The following CUX1 variants were observed in gnomAD, a reference collection of about 807,000 sequenced individuals.
CUX1 encodes the protein protein CASP.
Under a neutral mutation model 158.8 loss-of-function variants are expected in CUX1, and 31 were observed. The observed-to-expected ratio is 0.20, with a 90% CI of 0.15 to 0.26. The LOEUF (loss-of-function observed/expected upper bound fraction) is 0.26, where lower values mean the gene tolerates loss of function less well. Among genes scored for constraint, CUX1 ranks in the 10% least tolerant of loss-of-function variants. The probability of loss-of-function intolerance (pLI) is 1.00; values close to 1 mark genes in which losing one functional copy is unlikely to be tolerated. For synonymous variants in CUX1, 879 were observed against 862.1 expected (o/e 1.02, Z -0.34); for missense variants, 1,589 against 2,014.6 (o/e 0.79, Z 4.04).
rs1325188802 is a variant in CUX1, at chr7:102,252,704, C to T, written c.*3662C>T. The T allele has an allele frequency of 5.1e-6, 5 of 985,326 alleles. No individual in the cohort carries two copies. The highest frequency in any genetic ancestry group is 6.0e-6 in the Non-Finnish European group (5 of 829,948). The allele number at this position is 985,326 out of a possible 1,614,324, so 61.0% of individuals were successfully genotyped here. The stretch of plus-strand genomic sequence containing the variant: ...CCTAGACCTGTGCCCAACTCACTTC[C>T]ACCCCAGAGGAGTCTTCTGTCCTCC... On this transcript the variant is annotated 3_prime_UTR_variant, in exon 24 of 24. Coordinates refer to ENST00000292535, the MANE Select transcript of CUX1 (RefSeq NM_181552.4).
chr7:102,044,475 C>A (rs1341860032), intron 3 of CUX1, among the ~76,000 whole-genome samples: 1 of 152,150 alleles, frequency 6.6e-6, no homozygotes, highest in East Asian at 1.9e-4. Flanking sequence ...CAGGTGTGAG[C>A]CACTGCGCCC....
At chr7:101,987,106 C>A (rs932375685) in intron 2 of CUX1, among the ~76,000 whole-genome samples, 12 of 152,184 alleles carry the variant, frequency 7.9e-5, no homozygotes, top group African/African-American at 2.9e-4. Context: ...GCTCTGACCT[C>A]GTCCGTCTTG....
chr7:102,056,947 G>A (rs1371124134), intron 3 of CUX1, among the ~76,000 whole-genome samples: 1 of 150,970 alleles, frequency 6.6e-6, no homozygotes, highest in Non-Finnish European at 1.5e-5. Context: ...TGTCACCCAG[G>A]CTGGAGTCTA....
chr7:102,097,246 G>C, intron 4 of CUX1, 118 bp from the exon 5 acceptor site: 1 of 1,230,578 alleles, frequency 8.1e-7, no homozygotes, highest in Non-Finnish European at 1.1e-6. Context: ...CATGACTGTG[G>C]CCTCTGGGGA....
In CUX1 at chr7:102,253,523, A is replaced by C; in HGVS notation, c.*4481A>C. 1.0e-6 allele frequency: 1 copy of C among 985,482 alleles called. No homozygotes were observed. The highest frequency in any genetic ancestry group is 1.2e-6 in the Non-Finnish European group (1 of 829,946). The allele number at this position is 985,482 out of a possible 1,614,324, so 61.0% of individuals were successfully genotyped here. ...CATGTCCTTTGATGCAAGGGTGATC[A>C]ATGAACTCTGTTGACATTCTATGCA... On this transcript the variant is annotated 3_prime_UTR_variant, in exon 24 of 24. Coordinates refer to ENST00000292535, the MANE Select transcript of CUX1 (RefSeq NM_181552.4).
At position 102,000,712 on chromosome 7, in the gene CUX1, G is replaced by A. The variant is rs577565098; in HGVS notation, c.142-27386G>A. The stretch of plus-strand genomic sequence containing the variant: ...AGGGGTTCATTTGGTTGGGTTTTAT[G>A]TGCAGGAATGCTGGTGGGTTGGGTG... On this transcript the variant is annotated intron_variant, in intron 2 of 23. Coordinates refer to ENST00000292535, the MANE Select transcript of CUX1 (RefSeq NM_181552.4). 2.0e-5 allele frequency among the ~76,000 whole-genome samples: 3 copies of A among 152,306 alleles called. No individual in the cohort carries two copies. In the South Asian group the frequency reaches 6.2e-4, roughly 32 times the overall value.
intron 14 of CUX1, among the ~76,000 whole-genome samples, chr7:102,272,003 C>A (rs1213284419): frequency 2.6e-5 from 4 of 152,166 alleles, no homozygotes; most frequent in Non-Finnish European, 4.4e-5. Context: ...GCCTGGGTGA[C>A]TGAGTGAGAC....
chr7:102,008,803 A>T (rs762916070), intron 2 of CUX1, among the ~76,000 whole-genome samples: 2 of 152,178 alleles, frequency 1.3e-5, no homozygotes, highest in Non-Finnish European at 2.9e-5. Flanking sequence ...AGGCGAGACC[A>T]CAGCACAGTC....
intron 20 of CUX1, among the ~76,000 whole-genome samples, chr7:102,216,701 ACACGCACT>A (rs1797216319): frequency 9.2e-6 from 1 of 108,522 alleles, no homozygotes; most frequent in Non-Finnish European, 1.9e-5. Context: ...ACACACTCCC[ACACGCACT>A]CTCCACACAC....
chr7:102,209,846 T>C (rs1409123224), intron 20 of CUX1, among the ~76,000 whole-genome samples: 1 of 152,152 alleles, frequency 6.6e-6, no homozygotes, highest in Non-Finnish European at 1.5e-5. Flanking sequence ...AGTGTGGCCT[T>C]CTTATCATTT....
intron 11 of CUX1, among the ~76,000 whole-genome samples, chr7:102,184,098 A>T (rs533937057): frequency 6.6e-6 from 1 of 151,922 alleles, no homozygotes; most frequent in African/African-American, 2.4e-5. Context: ...GGGTCTTGCT[A>T]TGTTGCCCAG....
chr7:102,094,494 T>C (rs1828978178), intron 4 of CUX1, among the ~76,000 whole-genome samples: 1 of 152,210 alleles, frequency 6.6e-6, no homozygotes, highest in Non-Finnish European at 1.5e-5. Flanking sequence ...TGCGTGTCAT[T>C]TTCATATGTC....
At chr7:102,070,056 A>G (rs1031961398) in intron 3 of CUX1, among the ~76,000 whole-genome samples, 4 of 152,190 alleles carry the variant, frequency 2.6e-5, no homozygotes, top group Non-Finnish European at 4.4e-5. Context: ...AGAAGACAAA[A>G]GACCAGGAAG....
At chr7:102,070,226 G>T (rs1322181408) in intron 3 of CUX1, 113 bp from the exon 4 acceptor site, 3 of 854,650 alleles carry the variant, frequency 3.5e-6, no homozygotes, top group Non-Finnish European at 5.5e-6. Context: ...AAGCCCAGTT[G>T]TCAAGCATCT....
rs1180236214 is a variant in CUX1 at position 101,869,894 on chromosome 7, T to G, written c.31-46221T>G. Among the ~76,000 whole-genome samples the G allele has an allele frequency of 6.6e-6, 1 of 152,106 alleles. No individual in the cohort carries two copies. Among genetic ancestry groups the G allele is most frequent in the Non-Finnish European group, 1.5e-5 (1 of 68,008 alleles). On this transcript the variant is annotated intron_variant, in intron 1 of 23. Coordinates refer to ENST00000292535, the MANE Select transcript of CUX1 (RefSeq NM_181552.4). The surrounding 1 kb of genome is among the most constrained non-coding windows in gnomAD (Gnocchi z 4.5). ...GCCCCTGTGTCCTTATTTCCCACCG[T>G]GGTGGGCAGCTTGTCTGCCATCCCC...
At chr7:101,831,903 G>C (rs1162368779) in intron 1 of CUX1, among the ~76,000 whole-genome samples, 1 of 151,300 alleles carries the variant, frequency 6.6e-6, no homozygotes, top group African/African-American at 2.4e-5. Context: ...CACCATGCCA[G>C]GCTAACTTTT....
At chr7:102,054,521 C>T (rs1390783252) in intron 3 of CUX1, among the ~76,000 whole-genome samples, 1 of 152,220 alleles carries the variant, frequency 6.6e-6, no homozygotes, top group Non-Finnish European at 1.5e-5. Context: ...CCTTATGCCC[C>T]TACCAGTTCA....
rs1174599642 is a variant in CUX1, at chr7:102,249,464, C to G, written c.*422C>G. On this transcript the variant is annotated 3_prime_UTR_variant, in exon 24 of 24. Transcript: ENST00000292535. ...AAGAAAACGGAAATGTGTGGTCGAG[C>G]TTTTTTGTACCCTGAAGTGTTTTTT... 2 of 983,678 alleles carry G rather than the reference C, an allele frequency of 2.0e-6. No homozygotes were observed. The highest frequency in any genetic ancestry group is 2.4e-6 in the Non-Finnish European group (2 of 828,040). 60.9% of individuals were successfully genotyped at this position (983,678 alleles called of 1,614,324 possible).
chr7:102,275,359 C>T (rs199822336), exon 17 of CUX1: 75 of 1,610,042 alleles, frequency 4.7e-5, no homozygotes, highest in Non-Finnish European at 4.1e-5. Context: ...AGCTTGAGGC[C>T]GTGAGTCACA....
Sources: gnomAD v4.1 joint callset for allele counts (sites outside exome capture counted in the v4.1 genomes callset) on GRCh38, gnomAD v4.1.1 for gene constraint, Gnocchi (gnomAD v3.1) non-coding constraint, MANE v1.5 for transcripts, NCBI Gene and HGNC (gene_info 2026-07-23, HGNC 2026-07-21) for gene names.